The following HCN1 variants were observed in gnomAD, a reference collection of about 807,000 sequenced individuals.
The protein encoded by HCN1 is potassium/sodium hyperpolarization-activated cyclic nucleotide-gated channel 1.
HCN1 carries 13 observed loss-of-function variants against 78.9 expected under a neutral mutation model. The observed-to-expected ratio is 0.16, with a 90% CI of 0.11 to 0.26. HCN1 has a LOEUF of 0.26. Among genes scored for constraint, HCN1 ranks in the 10% least tolerant of loss-of-function variants. The pLI, the probability that HCN1 is intolerant of heterozygous loss-of-function variation, is 1.00. For synonymous variants in HCN1, 552 were observed against 455.5 expected (o/e 1.21, Z -2.70); for missense variants, 810 against 1,154.3 (o/e 0.70, Z 4.32).
intron 2 of HCN1, among the ~76,000 whole-genome samples, chr5:45,606,226 C>CA (rs1461144940): frequency 1.3e-5 from 2 of 151,866 alleles, no homozygotes; most frequent in African/African-American, 4.8e-5. Flanking sequence ...AGAAAAAGAA[C>CA]AAACGATTTT....
intron 2 of HCN1, among the ~76,000 whole-genome samples, chr5:45,543,891 T>G (rs1004400871): frequency 2.6e-5 from 4 of 152,234 alleles, no homozygotes; most frequent in South Asian, 2.1e-4. Context: ...AGATATTATT[T>G]TTATTTCACG....
At chr5:45,451,447 T>G (rs2111598687) in intron 3 of HCN1, among the ~76,000 whole-genome samples, 1 of 152,174 alleles carries the variant, frequency 6.6e-6, no homozygotes, top group East Asian at 1.9e-4. Flanking sequence ...ATTTACTGAT[T>G]TCAGGCACAT....
At chr5:45,507,773 G>A (rs1397351675) in intron 2 of HCN1, among the ~76,000 whole-genome samples, 4 of 152,072 alleles carry the variant, frequency 2.6e-5, no homozygotes, top group African/African-American at 7.2e-5. Flanking sequence ...AAACATGTTA[G>A]ATCAGTGTTT....
chr5:45,295,149 C>T (rs1178799765), intron 6 of HCN1, among the ~76,000 whole-genome samples: 2 of 151,964 alleles, frequency 1.3e-5, no homozygotes, highest in South Asian at 4.1e-4. Flanking sequence ...GTAGACAAAT[C>T]TCCTTAAGCT....
rs937712797 is a variant in HCN1 at position 45,336,311 on chromosome 5, CTA to C, written c.1377+16787_1377+16788del. On this transcript the variant is annotated intron_variant, in intron 5 of 7. Transcript: ENST00000303230. ...ACAGTAATAGTTTTAATTTAAAATG[CTA>C]TGTTTTGGGGTAACATCTTAAGAAT... Among the ~76,000 whole-genome samples the C allele has an allele frequency of 1.3e-4, 20 of 152,116 alleles. No individual in the cohort carries two copies. The East Asian group carries it at 3.9e-3, about 30-fold the overall frequency.
intron 2 of HCN1, chr5:45,644,037 T>C (rs1231781643): frequency 6.6e-6 from 1 of 152,196 alleles, no homozygotes; most frequent in Non-Finnish European, 1.5e-5. Flanking sequence ...TTATGCAGTG[T>C]TTTATTATTG....
chr5:45,463,539 T>C (rs1741208319), intron 2 of HCN1, among the ~76,000 whole-genome samples: 1 of 152,048 alleles, frequency 6.6e-6, no homozygotes, highest in African/African-American at 2.4e-5. Context: ...TTAAGAATTT[T>C]ACTTTTCTGT....
intron 5 of HCN1, among the ~76,000 whole-genome samples, chr5:45,306,922 G>C (rs1745746558): frequency 6.6e-6 from 1 of 152,004 alleles, no homozygotes; most frequent in African/African-American, 2.4e-5. Context: ...TTAAGTTTAT[G>C]TTGGCACTTT....
Position 45,527,295 on chromosome 5 carries a change from G to C in HCN1, c.850-65288C>G, listed in dbSNP as rs1258661635. ...AGTACAGAGTCAATAAATGTTTAGTGGTTTAAATTTCTGAAGGTGACATGG... is the reference window on the plus strand; with the variant it reads ...AGTACAGAGTCAATAAATGTTTAGTCGTTTAAATTTCTGAAGGTGACATGG... On this transcript the variant is annotated intron_variant, in intron 2 of 7. Transcript: ENST00000303230. 2.2e-5 allele frequency among the ~76,000 whole-genome samples: 3 copies of C among 136,574 alleles called. 1 individual carries two copies. 89.6% of individuals were successfully genotyped at this position (136,574 alleles called of 152,430 possible).
intron 3 of HCN1, among the ~76,000 whole-genome samples, chr5:45,460,753 G>C (rs6874579): frequency 0.033 from 4,921 of 149,720 alleles, 261 homozygotes; most frequent in African/African-American, 0.11. Flanking sequence ...AGATAGAAAA[G>C]GAAGAAAAGA....
At chr5:45,643,208 G>C (rs545137828) in intron 2 of HCN1, 2 of 152,182 alleles carry the variant, frequency 1.3e-5, no homozygotes, top group South Asian at 2.1e-4. Context: ...TGGTGGTAAG[G>C]AGTATACTCT....
intron 5 of HCN1, among the ~76,000 whole-genome samples, chr5:45,347,573 C>A (rs1356121770): frequency 6.6e-6 from 1 of 152,080 alleles, no homozygotes; most frequent in African/African-American, 2.4e-5. Context: ...CTCCGAGCTA[C>A]AGGAGGAAAT....
At chr5:45,384,330 A>ATCCAATATATTC (rs1747872790) in intron 4 of HCN1, among the ~76,000 whole-genome samples, 3 of 152,172 alleles carry the variant, frequency 2.0e-5, no homozygotes, top group Non-Finnish European at 4.4e-5. Context: ...CAATATAGTC[A>ATCCAATATATTC]CAGAAAATCT....
At chr5:45,348,823 C>T (rs1478879218) in intron 5 of HCN1, among the ~76,000 whole-genome samples, 1 of 152,200 alleles carries the variant, frequency 6.6e-6, no homozygotes, top group Non-Finnish European at 1.5e-5. Context: ...GAAGAGCTAA[C>T]TATCCTAAAT....
At chr5:45,567,911 T>TACAC (rs10601970) in intron 2 of HCN1, among the ~76,000 whole-genome samples, 154 of 144,714 alleles carry the variant, frequency 1.1e-3, no homozygotes, top group Middle Eastern at 3.8e-3. Context: ...ATATGTGAAG[T>TACAC]ACACACACAC....
chr5:45,395,730 T>C (rs375314640), intron 4 of HCN1, among the ~76,000 whole-genome samples: 2 of 152,158 alleles, frequency 1.3e-5, no homozygotes, highest in African/African-American at 2.4e-5. Context: ...TTACACATTG[T>C]TCCATTAATT....
chr5:45,375,431 AT>A (rs1347243472), intron 4 of HCN1, among the ~76,000 whole-genome samples: 74 of 117,188 alleles, frequency 6.3e-4, no homozygotes, highest in African/African-American at 1.3e-3. Context: ...TATGATACAT[AT>A]TATATATAAG....
At chr5:45,627,528 T>G (rs996669407) in intron 2 of HCN1, among the ~76,000 whole-genome samples, 1 of 152,170 alleles carries the variant, frequency 6.6e-6, no homozygotes, top group African/African-American at 2.4e-5. Context: ...CATCAACAGT[T>G]GATTATGGCA....
At position 45,514,517 on chromosome 5, in the gene HCN1, G is replaced by C. The variant is rs376853847; in HGVS notation, c.850-52510C>G. ...AATTTCTTGCCGAGTTCAAAACCTG[G>C]TACAAATAGTTCCAATTCTATTTTT... On this transcript the variant is annotated intron_variant, in intron 2 of 7. Coordinates refer to ENST00000303230, the MANE Select transcript of HCN1 (RefSeq NM_021072.4). Among the ~76,000 whole-genome samples the C allele has an allele frequency of 1.8e-3, 267 of 152,074 alleles. 1 individual carries two copies. Among genetic ancestry groups the C allele is most frequent in the African/African-American group, 6.2e-3 (258 of 41,508 alleles).
Sources: gnomAD v4.1 joint callset for allele counts (sites outside exome capture counted in the v4.1 genomes callset) on GRCh38, gnomAD v4.1.1 for gene constraint, MANE v1.5 for transcripts, NCBI Gene and HGNC (gene_info 2026-07-23, HGNC 2026-07-21) for gene names.